Variants in GPR161 observed in about 807,000 individuals in gnomAD.
GPR161 encodes G protein-coupled receptor 161, also known as G-protein coupled receptor RE2.
In GPR161, 25 loss-of-function variants were observed where a neutral mutation model predicts 39.2. The observed-to-expected ratio is 0.64, with a 90% CI of 0.47 to 0.89. The LOEUF (loss-of-function observed/expected upper bound fraction) is 0.89. Among genes scored for constraint, GPR161 ranks in the 40% least tolerant of loss-of-function variants. The pLI is 0.00. For synonymous variants in GPR161, 286 were observed against 276.6 expected (o/e 1.03, Z -0.34); for missense variants, 547 against 677.8 (o/e 0.81, Z 2.14).
At chr1:168,118,625 C>T (rs1012266645) in intron 1 of GPR161, 7 of 152,130 alleles carry the variant, frequency 4.6e-5, no homozygotes, top group African/African-American at 1.7e-4. Context: ...AAAAAAATTT[C>T]TACTTGAGAG....
chr1:168,123,513 TATAG>T (rs1254033338), intron 1 of GPR161, among the ~76,000 whole-genome samples: 2 of 144,690 alleles, frequency 1.4e-5, no homozygotes, highest in East Asian at 2.0e-4. Flanking sequence ...TCTATATAGA[TATAG>T]ATATAGATAT....
At chr1:168,120,533 G>C (rs1343412749) in intron 1 of GPR161, among the ~76,000 whole-genome samples, 1 of 152,190 alleles carries the variant, frequency 6.6e-6, no homozygotes, top group East Asian at 1.9e-4. Context: ...TGTTGGGAAG[G>C]GATAATTGGT....
chr1:168,137,134 C>A, upstream of GPR161: 1 of 1,239,986 alleles, frequency 8.1e-7, no homozygotes, highest in Non-Finnish European at 1.0e-6. Flanking sequence ...CCACGAACAG[C>A]CTCGGCTGCT....
chr1:168,092,270 G>T (rs1006033917), intron 3 of GPR161, among the ~76,000 whole-genome samples: 11 of 152,192 alleles, frequency 7.2e-5, no homozygotes, highest in African/African-American at 2.7e-4. Flanking sequence ...AGCCTGTGGG[G>T]GCATCTCCTG....
At chr1:168,135,363 A>G (rs1699280843) in intron 1 of GPR161, among the ~76,000 whole-genome samples, 1 of 152,238 alleles carries the variant, frequency 6.6e-6, no homozygotes, top group African/African-American at 2.4e-5. Context: ...AAAAGTGTAC[A>G]TGAAAGTGCT....
At chr1:168,123,995 C>T (rs1406903698) in intron 1 of GPR161, among the ~76,000 whole-genome samples, 1 of 152,200 alleles carries the variant, frequency 6.6e-6, no homozygotes, top group African/African-American at 2.4e-5. Context: ...ACTTGACACA[C>T]AGGTTGAAAG....
chr1:168,125,769 C>T (rs1025482266), intron 1 of GPR161, among the ~76,000 whole-genome samples: 1 of 152,152 alleles, frequency 6.6e-6, no homozygotes, highest in Non-Finnish European at 1.5e-5. Flanking sequence ...AGGCACCCGC[C>T]ACCAGGCCCA....
At chr1:168,093,026 C>T (rs935119398) in intron 3 of GPR161, among the ~76,000 whole-genome samples, 7 of 152,100 alleles carry the variant, frequency 4.6e-5, no homozygotes, top group South Asian at 4.1e-4. Flanking sequence ...GGTCGGCCAG[C>T]GGAAGGGCAG....
intron 1 of GPR161, among the ~76,000 whole-genome samples, chr1:168,114,132 C>T (rs1697434395): frequency 6.6e-6 from 1 of 152,258 alleles, no homozygotes; most frequent in East Asian, 1.9e-4. Context: ...AGACTAGGTT[C>T]TTTCTATTAT....
chr1:168,136,628 T>G, intron 1 of GPR161, 111 bp downstream of exon 1: 17 of 1,204,156 alleles, frequency 1.4e-5, no homozygotes, highest in East Asian at 6.9e-5. Flanking sequence ...GCGGGGACCC[T>G]TCCCGGCCCG....
In GPR161 at chr1:168,098,734, TGAG is replaced by T. The variant is rs1244120468; in HGVS notation, c.375-1505_375-1503del. 2.0e-5 allele frequency among the ~76,000 whole-genome samples: 3 copies of T among 152,228 alleles called. No individual in the cohort carries two copies. Among genetic ancestry groups the T allele is most frequent in the East Asian group, 3.9e-4 (2 of 5,180 alleles). ...AGAGAGCATTTCCGGCTATGCGGCC[TGAG>T]GAGAAGATTGCGCAGTGATTAGGGT... On this transcript the variant is annotated intron_variant, in intron 2 of 5. Transcript: ENST00000682931. The surrounding 1 kb of genome is among the most constrained non-coding windows in gnomAD (Gnocchi z 4.1).
chr1:168,136,382 C>G lies in GPR161; in HGVS notation c.-45+357G>C. 2.8e-6 allele frequency: 4 copies of G among 1,422,954 alleles called. No individual in the cohort carries two copies. The South Asian group carries it at 4.4e-5, about 16-fold the overall frequency. The allele number at this position is 1,422,954 out of a possible 1,614,324, so 88.1% of individuals were successfully genotyped here. On this transcript the variant is annotated intron_variant, in intron 1 of 5. Transcript: ENST00000682931. Reference sequence around the variant, plus strand: ...GCATCGGCAGAGTCCCGGGCACGCACCTACGCCCTCCCATCCAGCGGACTG... The same window carrying G: ...GCATCGGCAGAGTCCCGGGCACGCAGCTACGCCCTCCCATCCAGCGGACTG...
chr1:168,099,206 C>A (rs989374885), intron 2 of GPR161, among the ~76,000 whole-genome samples: 14 of 152,200 alleles, frequency 9.2e-5, no homozygotes, highest in African/African-American at 3.1e-4. Flanking sequence ...TGGTGGTCTT[C>A]TTCCCCTTGT....
Position 168,104,794 on chromosome 1 carries a change from C to G in GPR161, c.57G>C (p.Glu19Asp), listed in dbSNP as rs1243608352. ...TGATGACGCCCCCTTCGCCACCCTC[C>G]TCCTCAGTGAGATTACTCAGCTCCT... Reference protein sequence around the residue: ...CRKELSNLTEEEGGEGGVIIT... With the variant: ...CRKELSNLTEDEGGEGGVIIT... Residue 19 changes from glutamate to aspartate, a missense_variant, in exon 2 of 6, where the codon GAG becomes GAC. By Grantham distance (45) the Glu-to-Asp change is conservative. Transcript: ENST00000682931. The G allele has an allele frequency of 6.2e-7, 1 of 1,613,840 alleles. No homozygotes were observed. Among genetic ancestry groups the G allele is most frequent in the African/African-American group, 1.3e-5 (1 of 74,890 alleles).
intron 5 of GPR161, among the ~76,000 whole-genome samples, chr1:168,086,802 T>C (rs1399393397): frequency 2.0e-5 from 3 of 152,230 alleles, no homozygotes; most frequent in Non-Finnish European, 4.4e-5. Context: ...TTTCCACCTC[T>C]GACCTCTGTA....
intron 1 of GPR161, chr1:168,136,079 C>A: frequency 2.4e-6 from 3 of 1,256,684 alleles, no homozygotes; most frequent in East Asian, 3.2e-5. Context: ...GCCCAGAAGG[C>A]GCCGAGGGCT....
rs546105411 is a variant in GPR161, at chr1:168,115,723, T to A, written c.-44-10829A>T. On this transcript the variant is annotated intron_variant, in intron 1 of 5. Transcript: ENST00000682931. ...GGTCCTGACGCCTCTCTAATGAGGG[T>A]CCCCGGGATAGGACAAGACACACCT... Among the ~76,000 whole-genome samples the A allele has an allele frequency of 2.0e-5, 3 of 151,330 alleles. No homozygotes were observed. The East Asian group carries it at 5.8e-4, about 29-fold the overall frequency.
At chr1:168,100,943 C>T (rs1438574508) in intron 2 of GPR161, among the ~76,000 whole-genome samples, 2 of 152,176 alleles carry the variant, frequency 1.3e-5, no homozygotes, top group African/African-American at 4.8e-5. Flanking sequence ...GAACCGCTGG[C>T]AGGTCAAATG....
chr1:168,108,616 TAA>T (rs1696862774), intron 1 of GPR161, among the ~76,000 whole-genome samples: 1 of 150,752 alleles, frequency 6.6e-6, no homozygotes, highest in South Asian at 2.1e-4. Context: ...CATCAGAAAT[TAA>T]GAGAGAGAGA....
Sources: gnomAD v4.1 joint callset for allele counts (sites outside exome capture counted in the v4.1 genomes callset) on GRCh38, gnomAD v4.1.1 for gene constraint, Gnocchi (gnomAD v3.1) non-coding constraint, MANE v1.5 for transcripts, NCBI Gene and HGNC (gene_info 2026-07-23, HGNC 2026-07-21) for gene names.